The following SLCO2B1 variants were observed in gnomAD, a reference collection of about 807,000 sequenced individuals.
SLCO2B1 encodes solute carrier organic anion transporter family member 2B1, also known as OATP-RP2.
In SLCO2B1, 41 loss-of-function variants were observed where a neutral mutation model predicts 67.3. The observed-to-expected ratio is 0.61, with a 90% CI of 0.47 to 0.79. SLCO2B1 has a LOEUF of 0.79. SLCO2B1 is among the 30% of genes least tolerant of loss of function. The pLI is 0.00. For missense variants in SLCO2B1, 837 were observed against 920.1 expected (o/e 0.91, Z 1.17); for synonymous variants, 379 against 381.4 (o/e 0.99, Z 0.07).
chr11:75,202,807 A>G, intron 11 of SLCO2B1, 94 bp from the exon 12 acceptor site: 1 of 1,070,386 alleles, frequency 9.3e-7, no homozygotes. Flanking sequence ...GTGGTGGGAG[A>G]GAAGGGCATA....
intron 1 of SLCO2B1, among the ~76,000 whole-genome samples, chr11:75,161,564 G>C (rs1949821485): frequency 2.0e-5 from 3 of 152,180 alleles, no homozygotes; most frequent in Admixed American, 6.5e-5. Flanking sequence ...CTTTAGCCCT[G>C]GAGATAGAGT....
intron 10 of SLCO2B1, 111 bp from the exon 11 acceptor site, chr11:75,200,113 C>T: frequency 8.5e-7 from 1 of 1,174,626 alleles, no homozygotes; most frequent in South Asian, 1.5e-5. Flanking sequence ...CAGCTCTACC[C>T]CAACTGGCTG....
chr11:75,171,190 C>G (rs534231202), intron 6 of SLCO2B1, among the ~76,000 whole-genome samples: 1 of 152,328 alleles, frequency 6.6e-6, no homozygotes, highest in East Asian at 1.9e-4. Context: ...TGGTCCCTGC[C>G]TGGGAGGAGC....
intron 7 of SLCO2B1, among the ~76,000 whole-genome samples, chr11:75,174,436 G>A (rs1229481366): frequency 2.0e-5 from 3 of 152,216 alleles, no homozygotes; most frequent in South Asian, 2.1e-4. Flanking sequence ...GGTGGAAGCC[G>A]TGCATTGGCA....
chr11:75,168,482 C>T (rs1949919617), intron 4 of SLCO2B1, among the ~76,000 whole-genome samples: 1 of 152,132 alleles, frequency 6.6e-6, no homozygotes, highest in African/African-American at 2.4e-5. Flanking sequence ...GTTTGCTCAC[C>T]AAATATTGGT....
chr11:75,185,643 C>G (rs1052303860), intron 7 of SLCO2B1, among the ~76,000 whole-genome samples: 1 of 151,530 alleles, frequency 6.6e-6, no homozygotes, highest in East Asian at 1.9e-4. Flanking sequence ...TCGGCTCTCA[C>G]ACAAGAAAGA....
chr11:75,171,333 T>C (rs928059933), intron 6 of SLCO2B1, among the ~76,000 whole-genome samples: 18 of 152,190 alleles, frequency 1.2e-4, no homozygotes, highest in African/African-American at 4.1e-4. Flanking sequence ...CCTAGCTTAC[T>C]GCAGCCTTGG....
intron 7 of SLCO2B1, among the ~76,000 whole-genome samples, chr11:75,187,796 A>G (rs1340347153): frequency 6.6e-6 from 1 of 152,160 alleles, no homozygotes; most frequent in Non-Finnish European, 1.5e-5. Flanking sequence ...GTGATATTTA[A>G]GCTGAAAGGA....
chr11:75,181,158 T>C (rs1206308481), intron 7 of SLCO2B1, among the ~76,000 whole-genome samples: 1 of 151,844 alleles, frequency 6.6e-6, no homozygotes, highest in African/African-American at 2.4e-5. Flanking sequence ...TACCTAAGGT[T>C]AGAAGCTCGA....
intron 10 of SLCO2B1, 119 bp downstream of exon 10, chr11:75,196,798 C>A: frequency 1.1e-6 from 1 of 942,020 alleles, no homozygotes; most frequent in Non-Finnish European, 1.6e-6. Flanking sequence ...GTCTCTCTGT[C>A]TCTCTCTGTT....
chr11:75,179,654 A>G (rs1950071048), intron 7 of SLCO2B1, among the ~76,000 whole-genome samples: 1 of 152,202 alleles, frequency 6.6e-6, no homozygotes. Flanking sequence ...TTATTTTTCA[A>G]TGTATAACCA....
intron 7 of SLCO2B1, among the ~76,000 whole-genome samples, chr11:75,181,713 T>G (rs1950094023): frequency 6.6e-6 from 1 of 152,146 alleles, no homozygotes; most frequent in Admixed American, 6.5e-5. Context: ...ACACAGCACA[T>G]GGTGTCCGGC....
At chr11:75,185,265 C>G in intron 7 of SLCO2B1, among the ~76,000 whole-genome samples, 1 of 152,172 alleles carries the variant, frequency 6.6e-6, no homozygotes, top group Non-Finnish European at 1.5e-5. Flanking sequence ...GAGAAAGTGT[C>G]AGACCCAACC....
rs1686173482 is a variant in SLCO2B1, at chr11:75,165,858, C to T, written c.357C>T (p.Gly119=). The T allele has an allele frequency of 6.2e-7, 1 of 1,614,206 alleles. No individual in the cohort carries two copies. Among genetic ancestry groups the T allele is most frequent in the Admixed American group, 1.7e-5 (1 of 60,028 alleles). ...GGGTGCACCGACCCCGAATGATTGG[C>T]TATGGGGCTATCCTTGTGGCCCTGG... ...GSRVHRPRMI[G]YGAILVALAG... The change falls in exon 4 of 14, where the codon GGC becomes GGT. Residue 119 remains glycine, a synonymous_variant. Coordinates refer to ENST00000289575, the MANE Select transcript of SLCO2B1 (RefSeq NM_007256.5).
chr11:75,195,236 T>C (rs1438901411), intron 9 of SLCO2B1, among the ~76,000 whole-genome samples: 2 of 152,318 alleles, frequency 1.3e-5, no homozygotes, highest in South Asian at 2.1e-4. Context: ...AAGGACTCCC[T>C]AGCTCTTATC....
rs761014066 is a variant in SLCO2B1 at position 75,193,396 on chromosome 11, C to T, written c.1254C>T (p.Phe418=). Residue 418 remains phenylalanine, a synonymous_variant, in exon 9 of 14, where the codon TTC becomes TTT. Coordinates refer to ENST00000289575, the MANE Select transcript of SLCO2B1 (RefSeq NM_007256.5). The surrounding 1 kb of genome is among the most constrained non-coding windows in gnomAD (Gnocchi z 4.2). ...YANLLIGCLS[F]PSVIVGIVVG... ...ACCTGCTCATCGGCTGCCTCTCCTTCCCTTCGGTCATCGTGGGCATCGTGG... is the reference window on the plus strand; with the variant it reads ...ACCTGCTCATCGGCTGCCTCTCCTTTCCTTCGGTCATCGTGGGCATCGTGG... The T allele has an allele frequency of 6.2e-7, 1 of 1,614,194 alleles. No homozygotes were observed. The highest frequency in any genetic ancestry group is 8.5e-7 in the Non-Finnish European group (1 of 1,180,022).
Position 75,182,816 on chromosome 11 carries a change from C to G in SLCO2B1, c.973-5320C>G, listed in dbSNP as rs560504411. Among the ~76,000 whole-genome samples the G allele has an allele frequency of 7.2e-5, 11 of 152,262 alleles. No individual in the cohort carries two copies. In the South Asian group the frequency reaches 2.3e-3, roughly 32 times the overall value. ...AGACGACATTGTGGTTGTTTCTACT[C>G]TTTATGAGAACAAGGAACCCAAGCA... On this transcript the variant is annotated intron_variant, in intron 7 of 13. Transcript: ENST00000289575.
intron 2 of SLCO2B1, among the ~76,000 whole-genome samples, chr11:75,163,497 C>T (rs1399693729): frequency 6.6e-6 from 1 of 151,944 alleles, no homozygotes; most frequent in African/African-American, 2.4e-5. Context: ...TCTGAGATAG[C>T]TTCCCTGAGA....
intron 7 of SLCO2B1, among the ~76,000 whole-genome samples, chr11:75,186,831 C>T (rs1337459018): frequency 6.6e-6 from 1 of 152,178 alleles, no homozygotes; most frequent in Non-Finnish European, 1.5e-5. Context: ...TAGTACCTGC[C>T]TCACACAGTT....
Sources: allele counts gnomAD v4.1 joint callset (sites outside exome capture counted in the v4.1 genomes callset), GRCh38; gene constraint gnomAD v4.1.1; non-coding constraint Gnocchi (gnomAD v3.1); transcripts MANE v1.5; gene names NCBI Gene and HGNC (gene_info 2026-07-23, HGNC 2026-07-21).